The following FCHSD2 variants were observed in gnomAD, a reference collection of about 807,000 sequenced individuals.
FCHSD2 encodes the protein FCH and double SH3 domains 2.
FCHSD2 carries 38 observed loss-of-function variants against 108.1 expected under a neutral mutation model. The ratio of observed to expected loss-of-function variants is 0.35; its 90% CI spans 0.27 to 0.46. FCHSD2 has a LOEUF of 0.46. FCHSD2 is among the 20% of genes least tolerant of loss of function. The pLI is 1.00. For missense variants in FCHSD2, 751 were observed against 897.8 expected, an observed-to-expected ratio of 0.84 and a Z score of 2.09; for synonymous variants, 279 against 314.7, an observed-to-expected ratio of 0.89 and a Z score of 1.20.
chr11:73,092,080 C>G (rs1406927436), intron 2 of FCHSD2, among the ~76,000 whole-genome samples: 2 of 152,064 alleles, frequency 1.3e-5, no homozygotes, highest in African/African-American at 4.8e-5. Flanking sequence ...ATCTGAGAAG[C>G]CTTCCTGAAT....
chr11:72,987,089 C>G (rs1317451526), intron 6 of FCHSD2, among the ~76,000 whole-genome samples: 2 of 152,134 alleles, frequency 1.3e-5, no homozygotes, highest in Non-Finnish European at 1.5e-5. Context: ...ATAAACATAT[C>G]CAAAATGAAA....
intron 10 of FCHSD2, among the ~76,000 whole-genome samples, chr11:72,891,855 T>C (rs958443144): frequency 5.9e-5 from 9 of 152,210 alleles, no homozygotes; most frequent in African/African-American, 2.2e-4. Flanking sequence ...TTTTAAACAT[T>C]CTGGTATAGG....
chr11:72,965,453 T>A lies in FCHSD2; in HGVS notation c.705+18635A>T, dbSNP rs927875833. Among the ~76,000 whole-genome samples, 14 of 152,368 alleles carry A rather than the reference T, an allele frequency of 9.2e-5. No individual in the cohort carries two copies. In the East Asian group the frequency reaches 2.3e-3, roughly 25 times the overall value. Reference sequence around the variant, plus strand: ...CAGGTGAGACAAAATAAGTCTTAACTTAAAAGCTACTTCTATAAAGCCTTT... The same window carrying A: ...CAGGTGAGACAAAATAAGTCTTAACATAAAAGCTACTTCTATAAAGCCTTT... On this transcript the variant is annotated intron_variant, in intron 8 of 19. Transcript: ENST00000409418.
chr11:73,124,108 T>C (rs749265906), intron 2 of FCHSD2, among the ~76,000 whole-genome samples: 1 of 152,168 alleles, frequency 6.6e-6, no homozygotes, highest in Non-Finnish European at 1.5e-5. Context: ...ACGTCCTTTG[T>C]AGGGACATGG....
chr11:72,954,998 T>C (rs978235938), intron 8 of FCHSD2, among the ~76,000 whole-genome samples: 2 of 152,194 alleles, frequency 1.3e-5, no homozygotes, highest in African/African-American at 4.8e-5. Context: ...TACTTCTGAC[T>C]TCAGATGTGT....
At chr11:72,896,243 G>C (rs900642726) in intron 10 of FCHSD2, among the ~76,000 whole-genome samples, 2 of 152,178 alleles carry the variant, frequency 1.3e-5, no homozygotes, top group Non-Finnish European at 2.9e-5. Flanking sequence ...TGAAGATCTT[G>C]TTATTTGCTG....
intron 3 of FCHSD2, among the ~76,000 whole-genome samples, chr11:73,048,726 A>T (rs1218738576): frequency 6.6e-6 from 1 of 152,190 alleles, no homozygotes; most frequent in African/African-American, 2.4e-5. Context: ...CCATTCTACT[A>T]GTCCAAGCAA....
At chr11:72,846,529 C>T (rs2135163977) in intron 14 of FCHSD2, among the ~76,000 whole-genome samples, 1 of 152,202 alleles carries the variant, frequency 6.6e-6, no homozygotes, top group African/African-American at 2.4e-5. Flanking sequence ...ACACTGACTA[C>T]CATGATGCTC....
At chr11:73,124,163 G>C (rs1860799562) in intron 2 of FCHSD2, among the ~76,000 whole-genome samples, 2 of 152,152 alleles carry the variant, frequency 1.3e-5, no homozygotes. Flanking sequence ...TGCAAGGACA[G>C]AAAACCAAAC....
chr11:72,887,561 A>T lies in FCHSD2; in HGVS notation c.1055T>A (p.Leu352Gln), dbSNP rs1313610827. ...IVHQQRVLND[L>Q]ECHGAAVSEQ... ...TGATACAGCAGCTCCATGACACTCC[A>T]GATCATTTAGAACCTATTAAAGAAA... is the stretch of plus-strand genomic sequence containing the variant. The change falls in exon 12 of 20, where the codon CTG becomes CAG. Residue 352 changes from leucine (L) to glutamine (Q), a missense_variant. Leu to Gln is a moderately radical substitution (Grantham distance 113). Coordinates refer to ENST00000409418, the MANE Select transcript of FCHSD2 (RefSeq NM_014824.3). 1.4e-5 allele frequency: 22 copies of T among 1,581,884 alleles called. No individual in the cohort carries two copies. Among genetic ancestry groups the T allele is most frequent in the Non-Finnish European group, 1.8e-5 (21 of 1,166,770 alleles).
At chr11:73,120,454 G>A (rs967016457) in intron 2 of FCHSD2, among the ~76,000 whole-genome samples, 11 of 152,190 alleles carry the variant, frequency 7.2e-5, no homozygotes, top group Non-Finnish European at 1.3e-4. Flanking sequence ...GATAGGCCAG[G>A]AGCAGTGGCT....
At chr11:72,991,005 C>T (rs532212130) in intron 5 of FCHSD2, among the ~76,000 whole-genome samples, 3 of 152,030 alleles carry the variant, frequency 2.0e-5, no homozygotes, top group Non-Finnish European at 2.9e-5. Flanking sequence ...ATCAAACAGA[C>T]GCAATAAAAA....
At chr11:73,075,602 G>A (rs554234107) in intron 3 of FCHSD2, among the ~76,000 whole-genome samples, 2 of 152,134 alleles carry the variant, frequency 1.3e-5, no homozygotes, top group Non-Finnish European at 2.9e-5. Context: ...GATCACTTGA[G>A]GTCAGGAGTT....
At chr11:73,002,339 T>G (rs936523798) in intron 4 of FCHSD2, among the ~76,000 whole-genome samples, 13 of 152,204 alleles carry the variant, frequency 8.5e-5, no homozygotes, top group African/African-American at 3.1e-4. Flanking sequence ...TGTATCACTA[T>G]TCCTTTGGAA....
At chr11:73,140,285 C>T (rs1213616386) in intron 1 of FCHSD2, among the ~76,000 whole-genome samples, 157 bp from the exon 2 acceptor site, 1 of 152,088 alleles carries the variant, frequency 6.6e-6, no homozygotes, top group African/African-American at 2.4e-5. Flanking sequence ...ATTGAAGATA[C>T]TTATTTAATG....
At chr11:73,077,578 C>A in intron 3 of FCHSD2, 1 of 409,916 alleles carries the variant, frequency 2.4e-6, no homozygotes, top group South Asian at 1.8e-5. Context: ...ATGTTTATAG[C>A]AACTTTATTT....
chr11:73,003,696 C>T (rs970632299), intron 4 of FCHSD2, among the ~76,000 whole-genome samples: 5 of 151,338 alleles, frequency 3.3e-5, no homozygotes, highest in Non-Finnish European at 1.5e-5. Context: ...CCGTTTTAGC[C>T]GGGATGGTCT....
intron 3 of FCHSD2, among the ~76,000 whole-genome samples, chr11:73,073,333 C>A (rs941477589): frequency 2.0e-5 from 3 of 152,168 alleles, no homozygotes; most frequent in Non-Finnish European, 4.4e-5. Context: ...ACTTCACAAA[C>A]CATACTTAAA....
chr11:73,078,695 C>T (rs888021091), intron 3 of FCHSD2, among the ~76,000 whole-genome samples: 1 of 151,338 alleles, frequency 6.6e-6, no homozygotes, highest in Non-Finnish European at 1.5e-5. Flanking sequence ...GCTTCTGGGG[C>T]CCTGATAATG....
Sources: allele counts gnomAD v4.1 joint callset (sites outside exome capture counted in the v4.1 genomes callset), GRCh38; gene constraint gnomAD v4.1.1; transcripts MANE v1.5; gene names NCBI Gene and HGNC (gene_info 2026-07-23, HGNC 2026-07-21).